The following DGCR2 variants were observed in gnomAD, a reference collection of about 807,000 sequenced individuals.
The protein encoded by DGCR2 is DiGeorge syndrome critical region gene 2.
A neutral mutation model predicts 51.6 loss-of-function variants in DGCR2; 24 were observed. The ratio of observed to expected loss-of-function variants is 0.47; its 90% CI spans 0.34 to 0.65. The LOEUF (loss-of-function observed/expected upper bound fraction) is 0.65. Among genes scored for constraint, DGCR2 ranks in the 30% least tolerant of loss-of-function variants. The probability of loss-of-function intolerance (pLI) is 0.01; values close to 1 mark genes in which losing one functional copy is unlikely to be tolerated. For synonymous variants in DGCR2, 340 were observed against 315.4 expected (o/e 1.08, Z -0.82); for missense variants, 765 against 772.1 (o/e 0.99, Z 0.11).
At chr22:19,072,134 C>G (rs979466607) in intron 2 of DGCR2, among the ~76,000 whole-genome samples, 1 of 152,174 alleles carries the variant, frequency 6.6e-6, no homozygotes, top group Non-Finnish European at 1.5e-5. Flanking sequence ...GAAGATAAAA[C>G]AGGTGGTGTC....
Position 19,064,995 on chromosome 22 carries a change from C to G in DGCR2, c.401G>C (p.Ser134Thr), listed in dbSNP as rs780244451. ...GTASCYRVYL[S>T]GENYWDAAQT... Reference sequence around the variant, plus strand: ...CGCGGCATCCCAGTAGTTCTCCCCGCTCAGGTAGACCCGGTAGCAGCTGGC... The same window carrying G: ...CGCGGCATCCCAGTAGTTCTCCCCGGTCAGGTAGACCCGGTAGCAGCTGGC... The change falls in exon 4 of 10, where the codon AGC (serine) becomes ACC (threonine). Residue 134 changes from serine to threonine, a missense_variant. By Grantham distance (58) the Ser-to-Thr change is moderately conservative. This residue lies in a region of DGCR2 where 370 missense variants were observed against 325.5 expected (regional missense o/e 1.14). Coordinates refer to ENST00000263196, the MANE Select transcript of DGCR2 (RefSeq NM_005137.3). 6.2e-7 allele frequency: 1 copy of G among 1,614,066 alleles called. No individual in the cohort carries two copies. Among genetic ancestry groups the G allele is most frequent in the African/African-American group, 1.3e-5 (1 of 75,080 alleles).
intron 1 of DGCR2, among the ~76,000 whole-genome samples, chr22:19,114,152 GAA>G (rs74403708): frequency 3.5e-5 from 4 of 114,896 alleles, no homozygotes; most frequent in Admixed American, 1.8e-4. Context: ...GTTACCAAAG[GAA>G]AAAAAAAAAA....
intron 8 of DGCR2, 65 bp downstream of exon 8, chr22:19,041,742 T>C: frequency 6.4e-7 from 1 of 1,553,912 alleles, no homozygotes. Flanking sequence ...GGGGAGCTCA[T>C]GGAGACATGG....
Position 19,038,367 on chromosome 22 carries a change from T to C in DGCR2, c.*498A>G, listed in dbSNP as rs1313363922. 4 of 156,002 alleles carry C rather than the reference T, an allele frequency of 2.6e-5. No homozygotes were observed. Among genetic ancestry groups the C allele is most frequent in the Non-Finnish European group, 4.3e-5 (3 of 70,450 alleles). 9.7% of individuals were successfully genotyped at this position (156,002 alleles called of 1,614,324 possible). ...TGACAAAGTCAAGAGGCTGCCTCCCTGAAGCAGACCCACTGCCTACGCCAC... is the reference window on the plus strand; with the variant it reads ...TGACAAAGTCAAGAGGCTGCCTCCCCGAAGCAGACCCACTGCCTACGCCAC... On this transcript the variant is annotated 3_prime_UTR_variant, in exon 10 of 10. Coordinates refer to ENST00000263196, the MANE Select transcript of DGCR2 (RefSeq NM_005137.3).
At chr22:19,093,823 C>T (rs925923748) in intron 1 of DGCR2, among the ~76,000 whole-genome samples, 1 of 151,842 alleles carries the variant, frequency 6.6e-6, no homozygotes, top group Non-Finnish European at 1.5e-5. Flanking sequence ...ATAACAAGAC[C>T]TCATCTCTAC....
At chr22:19,118,818 C>T (rs1167254758) in intron 1 of DGCR2, among the ~76,000 whole-genome samples, 1 of 152,192 alleles carries the variant, frequency 6.6e-6, no homozygotes, top group African/African-American at 2.4e-5. Flanking sequence ...GAAAGAAAAA[C>T]AGTTTTAGAA....
At chr22:19,076,141 T>TTTTTC (rs113824023) in intron 2 of DGCR2, among the ~76,000 whole-genome samples, 2 of 149,840 alleles carry the variant, frequency 1.3e-5, no homozygotes, top group South Asian at 4.2e-4. Context: ...TGTATTTTTA[T>TTTTTC]TTTATTTATT....
chr22:19,106,708 G>A lies in DGCR2; in HGVS notation c.79+15420C>T, dbSNP rs142699141. 3.7e-3 allele frequency among the ~76,000 whole-genome samples: 568 copies of A among 152,210 alleles called. 4 individuals are homozygous for A. Among genetic ancestry groups the A allele is most frequent in the African/African-American group, 0.013 (549 of 41,526 alleles). On this transcript the variant is annotated intron_variant, in intron 1 of 9. Coordinates refer to ENST00000263196, the MANE Select transcript of DGCR2 (RefSeq NM_005137.3). The stretch of plus-strand genomic sequence containing the variant: ...TAGTCCAGCCAGCTAGCTTCTCAGA[G>A]GGGCTGACCCGCCTACTCAGTGTCC...
In DGCR2 at chr22:19,039,167, C is replaced by G. The variant is rs2082404712; in HGVS notation, c.1397-46G>C. The stretch of plus-strand genomic sequence containing the variant: ...GTGTCAGAGGCAGGTACGGGCCTGG[C>G]ACAGGGGATGCAGGGGAGCTAGGCA... On this transcript the variant is annotated intron_variant, in intron 9 of 9. Coordinates refer to ENST00000263196, the MANE Select transcript of DGCR2 (RefSeq NM_005137.3). 3 of 1,605,928 alleles carry G rather than the reference C, an allele frequency of 1.9e-6. No individual in the cohort carries two copies. The East Asian group carries it at 6.7e-5, about 36-fold the overall frequency.
intron 5 of DGCR2, among the ~76,000 whole-genome samples, chr22:19,058,855 C>G (rs907362528): frequency 1.3e-5 from 2 of 152,208 alleles, no homozygotes; most frequent in Non-Finnish European, 2.9e-5. Flanking sequence ...CACTCTAGGC[C>G]AGGGCCCAGA....
chr22:19,097,326 C>T (rs1048523229), intron 1 of DGCR2, among the ~76,000 whole-genome samples: 8 of 152,056 alleles, frequency 5.3e-5, no homozygotes, highest in Non-Finnish European at 1.2e-4. Context: ...GAAGCCGAGG[C>T]GGGTGGATCA....
chr22:19,072,899 T>TAA (rs1313935220), intron 2 of DGCR2, among the ~76,000 whole-genome samples: 43 of 151,468 alleles, frequency 2.8e-4, no homozygotes, highest in South Asian at 1.7e-3. Flanking sequence ...AATTTTTTTT[T>TAA]AAAAAAAAGG....
intron 1 of DGCR2, among the ~76,000 whole-genome samples, chr22:19,116,286 G>A (rs1428907302): frequency 1.3e-5 from 2 of 152,194 alleles, no homozygotes; most frequent in Non-Finnish European, 1.5e-5. Context: ...AGGGCATCTG[G>A]GTCCACAGGC....
At chr22:19,072,581 G>C (rs1462131380) in intron 2 of DGCR2, among the ~76,000 whole-genome samples, 1 of 152,192 alleles carries the variant, frequency 6.6e-6, no homozygotes, top group African/African-American at 2.4e-5. Flanking sequence ...GTGCTATTAA[G>C]AAGGAGCATG....
rs2083444697 is a variant in DGCR2, at chr22:19,122,332, G to A, written c.-126C>T. ...CTGGGCGAGGCGCGGAGAGGCGGCG[G>A]GAAAGAGCTTCGGCTGGGCCGCGGG... On this transcript the variant is annotated 5_prime_UTR_variant, in exon 1 of 10. Transcript: ENST00000263196. 2.7e-6 allele frequency: 2 copies of A among 735,000 alleles called. No individual in the cohort carries two copies. Among genetic ancestry groups the A allele is most frequent in the Admixed American group, 4.0e-5 (1 of 24,864 alleles). The allele number at this position is 735,000 out of a possible 1,614,324, so 45.5% of individuals were successfully genotyped here. A position where few individuals can be genotyped will look rare whatever the true frequency, so the allele number is the denominator to read the frequency against.
At chr22:19,062,781 T>TCTCTCTCTCTCTCTCTCTC (rs2082689829) in intron 5 of DGCR2, among the ~76,000 whole-genome samples, 1 of 135,774 alleles carries the variant, frequency 7.4e-6, no homozygotes, top group Non-Finnish European at 1.6e-5. Flanking sequence ...GCATGCTCAC[T>TCTCTCTCTCTCTCTCTCTC]CTCTCTCTCT....
chr22:19,095,731 A>G (rs1411359672), intron 1 of DGCR2, among the ~76,000 whole-genome samples: 1 of 128,620 alleles, frequency 7.8e-6, no homozygotes, highest in Non-Finnish European at 1.6e-5. Context: ...TTATACCTCA[A>G]TAAGGCTTTT....
At chr22:19,068,387 G>A (rs538100388) in intron 2 of DGCR2, among the ~76,000 whole-genome samples, 162 bp from the exon 3 acceptor site, 14 of 152,352 alleles carry the variant, frequency 9.2e-5, no homozygotes, top group Middle Eastern at 3.4e-3. Context: ...AAACACTGCC[G>A]CTCGCATCAA....
At chr22:19,076,109 G>A (rs1046381456) in intron 2 of DGCR2, among the ~76,000 whole-genome samples, 9 of 150,706 alleles carry the variant, frequency 6.0e-5, no homozygotes, top group African/African-American at 1.2e-4. Context: ...ACAGGCGTGC[G>A]CCATGACGCC....
Sources: allele counts gnomAD v4.1 joint callset (sites outside exome capture counted in the v4.1 genomes callset), GRCh38; gene constraint gnomAD v4.1.1; regional missense constraint gnomAD v4.1.1; transcripts MANE v1.5; gene names NCBI Gene and HGNC (gene_info 2026-07-23, HGNC 2026-07-21).